The following PMEPA1 variants were observed in gnomAD, a reference collection of about 807,000 sequenced individuals.
PMEPA1 encodes protein TMEPAI.
Under a neutral mutation model 23.0 loss-of-function variants are expected in PMEPA1, and 11 were observed. That is an observed-to-expected ratio of 0.48 (90% CI 0.30 to 0.79). The LOEUF (loss-of-function observed/expected upper bound fraction) is 0.79, where lower values mean the gene tolerates loss of function less well. PMEPA1 is among the 30% of genes least tolerant of loss of function. The pLI, the probability that PMEPA1 is intolerant of heterozygous loss-of-function variation, is 0.06. For missense variants in PMEPA1, 377 were observed against 390.9 expected (o/e 0.96, Z 0.30); for synonymous variants, 204 against 166.4 (o/e 1.23, Z -1.74).
intron 1 of PMEPA1, among the ~76,000 whole-genome samples, chr20:57,674,846 A>G (rs2071614875): frequency 6.6e-6 from 1 of 152,310 alleles, no homozygotes; most frequent in East Asian, 1.9e-4. Context: ...CGCAAATTCT[A>G]CTGTGATCTG....
intron 1 of PMEPA1, among the ~76,000 whole-genome samples, chr20:57,689,481 G>A (rs560873899): frequency 2.6e-4 from 40 of 152,292 alleles, no homozygotes; most frequent in African/African-American, 8.7e-4. Flanking sequence ...ACACCACCCC[G>A]TTCCTCCTGG....
intron 1 of PMEPA1, among the ~76,000 whole-genome samples, chr20:57,661,831 G>C (rs2071423257): frequency 6.6e-6 from 1 of 152,216 alleles, no homozygotes; most frequent in Non-Finnish European, 1.5e-5. Flanking sequence ...TCTCCACACA[G>C]AAGCACTCCC....
intron 1 of PMEPA1, among the ~76,000 whole-genome samples, chr20:57,698,887 A>G (rs2071976062): frequency 6.6e-6 from 1 of 152,218 alleles, no homozygotes; most frequent in Non-Finnish European, 1.5e-5. Context: ...TGTAGCAGCC[A>G]TAAGAGGACA....
chr20:57,667,581 G>A (rs1240164051), intron 1 of PMEPA1, among the ~76,000 whole-genome samples: 2 of 152,198 alleles, frequency 1.3e-5, no homozygotes, highest in Non-Finnish European at 2.9e-5. Flanking sequence ...TCTGTCCCAG[G>A]GGAGGGGCAG....
rs1000485631 is a variant in PMEPA1, at chr20:57,655,503, T to TG, written c.265-2418dup. ...CTACTTAAGTGCGGAAGTTGCTGGG[T>TG]GACCCGTGCAAGTCATCTTTGTGGA... On this transcript the variant is annotated intron_variant, in intron 2 of 3. Coordinates refer to ENST00000341744, the MANE Select transcript of PMEPA1 (RefSeq NM_020182.5). This position sits in a 1 kb window ranked among gnomAD's most constrained non-coding sequence, Gnocchi z 4.2. 2.6e-5 allele frequency among the ~76,000 whole-genome samples: 4 copies of TG among 152,220 alleles called. No individual in the cohort carries two copies. Among genetic ancestry groups the TG allele is most frequent in the African/African-American group, 9.7e-5 (4 of 41,448 alleles).
In PMEPA1 at chr20:57,709,813, G is replaced by A; in HGVS notation, c.-231C>T. ...GCCTCCCCTCGGCAGCCCCGGGGGC[G>A]TCGGCAGTGCCCGCGGGTGGCGTCC... On this transcript the variant is annotated 5_prime_UTR_variant, in exon 1 of 4. In the 5' UTR this introduces an upstream ATG that the reference lacks. Coordinates refer to ENST00000341744, the MANE Select transcript of PMEPA1 (RefSeq NM_020182.5). 1 of 977,284 alleles carries A rather than the reference G, an allele frequency of 1.0e-6. No homozygotes were observed. Among genetic ancestry groups the A allele is most frequent in the Non-Finnish European group, 1.2e-6 (1 of 826,084 alleles). 60.5% of individuals were successfully genotyped at this position (977,284 alleles called of 1,614,324 possible).
At chr20:57,671,555 TAC>T (rs1436637137) in intron 1 of PMEPA1, among the ~76,000 whole-genome samples, 1 of 152,154 alleles carries the variant, frequency 6.6e-6, no homozygotes, top group African/African-American at 2.4e-5. Flanking sequence ...AATATGTATA[TAC>T]ACACACATAT....
intron 1 of PMEPA1, among the ~76,000 whole-genome samples, chr20:57,697,575 G>C (rs1037264440): frequency 5.9e-5 from 9 of 152,338 alleles, no homozygotes; most frequent in Middle Eastern, 3.4e-3. Flanking sequence ...TTTGCACTTG[G>C]CCCTAAGCTA....
Position 57,682,804 on chromosome 20 carries a change from G to C in PMEPA1, c.110-23107C>G, listed in dbSNP as rs781356608. Among the ~76,000 whole-genome samples the C allele has an allele frequency of 6.6e-6, 1 of 152,242 alleles. No homozygotes were observed. Among genetic ancestry groups the C allele is most frequent in the Non-Finnish European group, 1.5e-5 (1 of 68,048 alleles). The stretch of plus-strand genomic sequence containing the variant: ...ATGCTGCCTGGGAGCTGGGCTTTCT[G>C]CATGAGCAGGCCCCGCTGAAAAGGA... On this transcript the variant is annotated intron_variant, in intron 1 of 3. Coordinates refer to ENST00000341744, the MANE Select transcript of PMEPA1 (RefSeq NM_020182.5). This position sits in a 1 kb window ranked among gnomAD's most constrained non-coding sequence, Gnocchi z 4.4.
intron 1 of PMEPA1, among the ~76,000 whole-genome samples, chr20:57,670,112 C>T (rs1335594351): frequency 6.7e-6 from 1 of 148,198 alleles, no homozygotes; most frequent in Non-Finnish European, 1.5e-5. Flanking sequence ...CACCCCTCCA[C>T]GTGCCCTGGC....
chr20:57,686,316 T>C (rs887620674), intron 1 of PMEPA1, among the ~76,000 whole-genome samples: 2 of 152,228 alleles, frequency 1.3e-5, no homozygotes, highest in African/African-American at 4.8e-5. Flanking sequence ...TCTGATGGGG[T>C]GCCGGCCAAG....
intron 1 of PMEPA1, among the ~76,000 whole-genome samples, chr20:57,689,235 C>T (rs2071843299): frequency 6.6e-6 from 1 of 152,206 alleles, no homozygotes; most frequent in African/African-American, 2.4e-5. Flanking sequence ...TTTCCCCTCA[C>T]CCACTACCCA....
intron 1 of PMEPA1, among the ~76,000 whole-genome samples, chr20:57,676,506 T>A (rs1294957189): frequency 6.6e-6 from 1 of 152,198 alleles, no homozygotes; most frequent in African/African-American, 2.4e-5. Flanking sequence ...TGACTGATAC[T>A]GAGCAGGTAA....
intron 1 of PMEPA1, among the ~76,000 whole-genome samples, chr20:57,664,438 G>T (rs768912515): frequency 2.0e-5 from 3 of 152,368 alleles, no homozygotes; most frequent in South Asian, 2.1e-4. Context: ...AGACCCCTTG[G>T]GGGAGAGAAA....
At position 57,651,975 on chromosome 20, in the gene PMEPA1, C is replaced by G; in HGVS notation, c.*78G>C. 1 of 1,275,018 alleles carries G rather than the reference C, an allele frequency of 7.8e-7. No individual in the cohort carries two copies. The highest frequency in any genetic ancestry group is 1.1e-6 in the Non-Finnish European group (1 of 951,526). 79.0% of individuals were successfully genotyped at this position (1,275,018 alleles called of 1,614,324 possible). ...ATGCGTTGCTGCGCCCCCCGCCTTC[C>G]TCTCACTCCTCTTCTAAGAAGCGCG... is the stretch of plus-strand genomic sequence containing the variant. On this transcript the variant is annotated 3_prime_UTR_variant, in exon 4 of 4. Coordinates refer to ENST00000341744, the MANE Select transcript of PMEPA1 (RefSeq NM_020182.5).
At chr20:57,674,143 C>T (rs922773334) in intron 1 of PMEPA1, among the ~76,000 whole-genome samples, 1 of 152,204 alleles carries the variant, frequency 6.6e-6, no homozygotes, top group African/African-American at 2.4e-5. Context: ...CCTGGTGTGG[C>T]TGCATGTAAA....
At chr20:57,710,340 T>C (rs1049791418), upstream of PMEPA1, 15 of 1,067,496 alleles carry the variant, frequency 1.4e-5, no homozygotes, top group Non-Finnish European at 1.8e-5. Flanking sequence ...CTCGCCCCCG[T>C]CCCTGGGGTC....
chr20:57,699,584 G>C lies in PMEPA1; in HGVS notation c.109+9890C>G, dbSNP rs534510552. Among the ~76,000 whole-genome samples, 4 of 152,332 alleles carry C rather than the reference G, an allele frequency of 2.6e-5. No individual in the cohort carries two copies. The South Asian group carries it at 8.3e-4, about 32-fold the overall frequency. On this transcript the variant is annotated intron_variant, in intron 1 of 3. Transcript: ENST00000341744. ...GCCCCACAGGCCAAGCAAGGCGTGT[G>C]GGGTGCAGGGCAGTCTCTCGGGATT...
chr20:57,710,131 G>T (rs967672073), upstream of PMEPA1: 12 of 775,826 alleles, frequency 1.5e-5, no homozygotes, highest in African/African-American at 1.8e-5. Flanking sequence ...GGGGGGCGGG[G>T]TGACGGGAAA....
Sources: gnomAD v4.1 joint callset for allele counts (sites outside exome capture counted in the v4.1 genomes callset) on GRCh38, gnomAD v4.1.1 for gene constraint, Gnocchi (gnomAD v3.1) non-coding constraint, MANE v1.5 for transcripts, NCBI Gene and HGNC (gene_info 2026-07-23, HGNC 2026-07-21) for gene names.